The following XKR7 variants were observed in gnomAD, a reference collection of about 807,000 sequenced individuals.
XKR7 encodes XK related 7.
A neutral mutation model predicts 42.2 loss-of-function variants in XKR7; 11 were observed. The ratio of observed to expected loss-of-function variants is 0.26; its 90% confidence interval spans 0.16 to 0.43. The LOEUF is 0.43. XKR7 is among the 20% of genes least tolerant of loss of function. The pLI is 1.00. For missense variants in XKR7, 710 were observed against 802.2 expected (o/e 0.89, Z 1.39); for synonymous variants, 346 against 366.4 (o/e 0.94, Z 0.64).
intron 1 of XKR7, among the ~76,000 whole-genome samples, chr20:31,977,402 G>A (rs901242483): frequency 6.6e-6 from 1 of 152,150 alleles, no homozygotes; most frequent in Non-Finnish European, 1.5e-5. Context: ...GGGCACCAGC[G>A]CAGATCAAGG....
Position 31,997,111 on chromosome 20 carries a change from C to A in XKR7, c.1394C>A (p.Pro465His), listed in dbSNP as rs756288401. 4.2e-5 allele frequency: 68 copies of A among 1,613,148 alleles called. No homozygotes were observed. The highest frequency in any genetic ancestry group is 5.8e-5 in the Non-Finnish European group (68 of 1,180,018). The change falls in exon 3 of 3, where the codon CCC becomes CAC. Residue 465 changes from proline (P) to histidine (H), a missense_variant. Physicochemically the swap from Pro to His is moderately conservative, Grantham distance 77. This residue lies in a region of XKR7 where 708 missense variants were observed against 786.2 expected (regional missense o/e 0.90). Transcript: ENST00000562532. ...FRKASEPCGP[P>H]ADAITSPPRS... ...AAGGCCTCAGAGCCCTGTGGCCCAC[C>A]CGCTGACGCCATCACGAGTCCCCCC...
At chr20:31,984,743 G>A (rs1023066222) in intron 1 of XKR7, among the ~76,000 whole-genome samples, 14 of 152,180 alleles carry the variant, frequency 9.2e-5, no homozygotes, top group African/African-American at 3.4e-4. Context: ...CAGCCGTACT[G>A]CACACCTTCC....
chr20:31,991,945 C>T (rs1162239819), intron 1 of XKR7, among the ~76,000 whole-genome samples: 1 of 152,002 alleles, frequency 6.6e-6, no homozygotes, highest in Admixed American at 6.6e-5. Flanking sequence ...TGGAGAAACC[C>T]CGTCTCTACT....
At position 31,968,259 on chromosome 20, in the gene XKR7, C is replaced by T. The variant is rs1253002991; in HGVS notation, c.84C>T (p.Gly28=). The change falls in exon 1 of 3, where the codon GGC becomes GGT. Residue 28 remains glycine (G), a synonymous_variant. Coordinates refer to ENST00000562532, the MANE Select transcript of XKR7 (RefSeq NM_001011718.2). The surrounding 1 kb of genome is among the most constrained non-coding windows in gnomAD (Gnocchi z 4.5). ...CCGGTGGAGCCCGGGGCAGTGCCGGCGGGCGCGGGGAGGCGGCGGCGGCGG... is the reference window on the plus strand; with the variant it reads ...CCGGTGGAGCCCGGGGCAGTGCCGGTGGGCGCGGGGAGGCGGCGGCGGCGG... ...GAAGGARGSA[G]GRGEAAAAAG... is the part of the protein sequence containing the mutation. 4.4e-6 allele frequency: 5 copies of T among 1,135,008 alleles called. No individual in the cohort carries two copies. Among genetic ancestry groups the T allele is most frequent in the Non-Finnish European group, 5.4e-6 (5 of 926,950 alleles). 70.3% of individuals were successfully genotyped at this position (1,135,008 alleles called of 1,614,324 possible).
rs542949575 is a variant in XKR7, at chr20:31,995,402, G to T, written c.787+132G>T. 7 of 1,438,900 alleles carry T rather than the reference G, an allele frequency of 4.9e-6. No homozygotes were observed. The highest frequency in any genetic ancestry group is 6.4e-6 in the Non-Finnish European group (7 of 1,085,722). 89.1% of individuals were successfully genotyped at this position (1,438,900 alleles called of 1,614,324 possible). A position where few individuals can be genotyped will look rare whatever the true frequency, so the allele number is the denominator to read the frequency against. ...GGCTCACTCAGTCAGGGTTTAGGGA[G>T]GCCTGCCCCTTCTACCCTCACCACC... On this transcript the variant is annotated intron_variant, in intron 2 of 2. Transcript: ENST00000562532. This position sits in a 1 kb window ranked among gnomAD's most constrained non-coding sequence, Gnocchi z 4.1.
At chr20:31,984,130 G>A (rs1213998341) in intron 1 of XKR7, among the ~76,000 whole-genome samples, 6 of 151,616 alleles carry the variant, frequency 4.0e-5, no homozygotes, top group Admixed American at 2.0e-4. Flanking sequence ...GCGTGGTGGC[G>A]CACACCCGTA....
intron 1 of XKR7, among the ~76,000 whole-genome samples, chr20:31,992,885 G>A (rs151180122): frequency 2.0e-5 from 3 of 152,254 alleles, no homozygotes; most frequent in Non-Finnish European, 2.9e-5. Flanking sequence ...ATACTCATTT[G>A]AGGAAATTTG....
chr20:31,989,107 G>A (rs1011173765), intron 1 of XKR7, among the ~76,000 whole-genome samples: 2 of 152,190 alleles, frequency 1.3e-5, no homozygotes, highest in African/African-American at 4.8e-5. Context: ...AAATAAGACA[G>A]GGGGTGTGGT....
At position 31,996,855 on chromosome 20, in the gene XKR7, A is replaced by AGCCGCC; in HGVS notation, c.1144_1149dup (p.Arg382_Arg383dup). On this transcript the variant is annotated inframe_insertion, in exon 3 of 3. Transcript: ENST00000562532. ...CTGGTTCAACGTCAAGGAGGGCCGC[A>AGCCGCC]GCCGCCGCCGCATGACCCTCTACCA... is the stretch of plus-strand genomic sequence containing the variant. 1 of 1,613,778 alleles carries AGCCGCC rather than the reference A, an allele frequency of 6.2e-7. No individual in the cohort carries two copies. The highest frequency in any genetic ancestry group is 8.5e-7 in the Non-Finnish European group (1 of 1,180,006).
At chr20:31,984,690 G>T (rs1210563114) in intron 1 of XKR7, among the ~76,000 whole-genome samples, 1 of 152,206 alleles carries the variant, frequency 6.6e-6, no homozygotes, top group Non-Finnish European at 1.5e-5. Flanking sequence ...TGAAACCTGA[G>T]GTCCATTGTG....
At chr20:31,990,288 C>T (rs1232029067) in intron 1 of XKR7, among the ~76,000 whole-genome samples, 1 of 152,058 alleles carries the variant, frequency 6.6e-6, no homozygotes, top group African/African-American at 2.4e-5. Context: ...ACCTCGGCCT[C>T]CCAAAGTGTT....
At chr20:31,976,987 T>C (rs1257687530) in intron 1 of XKR7, among the ~76,000 whole-genome samples, 3 of 152,236 alleles carry the variant, frequency 2.0e-5, no homozygotes, top group Non-Finnish European at 4.4e-5. Context: ...TATGGTGGGT[T>C]CTTGCAACAT....
chr20:31,984,457 C>A (rs943039105), intron 1 of XKR7, among the ~76,000 whole-genome samples: 57 of 152,138 alleles, frequency 3.7e-4, no homozygotes, highest in Non-Finnish European at 1.2e-4. Flanking sequence ...CAGGACATAG[C>A]TGTGGAACAT....
intron 1 of XKR7, among the ~76,000 whole-genome samples, chr20:31,994,669 G>T (rs2064582988): frequency 6.6e-6 from 1 of 152,166 alleles, no homozygotes; most frequent in Non-Finnish European, 1.5e-5. Flanking sequence ...TCGCACCACT[G>T]CACTCCAGCC....
Position 31,995,314 on chromosome 20 carries a change from G to C in XKR7, c.787+44G>C. The C allele has an allele frequency of 6.5e-7, 1 of 1,531,264 alleles. No homozygotes were observed. Among genetic ancestry groups the C allele is most frequent in the South Asian group, 1.2e-5 (1 of 83,590 alleles). The allele number at this position is 1,531,264 out of a possible 1,614,324, so 94.9% of individuals were successfully genotyped here. A position where few individuals can be genotyped will look rare whatever the true frequency, so the allele number is the denominator to read the frequency against. On this transcript the variant is annotated intron_variant, in intron 2 of 2. Transcript: ENST00000562532. This position sits in a 1 kb window ranked among gnomAD's most constrained non-coding sequence, Gnocchi z 4.1. The stretch of plus-strand genomic sequence containing the variant: ...CCTCTGCGCCTGGGACCACCCCACC[G>C]GGCCTTTCTCCCTGCTTCAGGCTCC...
intron 1 of XKR7, among the ~76,000 whole-genome samples, chr20:31,989,725 C>T (rs2064560747): frequency 6.6e-6 from 1 of 152,154 alleles, no homozygotes; most frequent in African/African-American, 2.4e-5. Context: ...GTGATCTTCC[C>T]ACCTCAGCCT....
At chr20:31,985,387 A>G (rs1242197356) in intron 1 of XKR7, among the ~76,000 whole-genome samples, 1 of 152,080 alleles carries the variant, frequency 6.6e-6, no homozygotes, top group Non-Finnish European at 1.5e-5. Context: ...CAGATGGAGG[A>G]GCTGAGGATG....
chr20:31,976,143 G>A (rs1337847072), intron 1 of XKR7, among the ~76,000 whole-genome samples: 1 of 152,222 alleles, frequency 6.6e-6, no homozygotes, highest in East Asian at 1.9e-4. Flanking sequence ...GTGGTGCTCA[G>A]TTAGTGTTTG....
In XKR7 at chr20:31,971,901, C is replaced by T. The variant is rs1038893960; in HGVS notation, c.584+3142C>T. On this transcript the variant is annotated intron_variant, in intron 1 of 2. Transcript: ENST00000562532. Reference sequence around the variant, plus strand: ...TCCAGCTGATCATGCCATGAGAAATCGTGGACCCAGTCTTGATTTCTCAAG... The same window carrying T: ...TCCAGCTGATCATGCCATGAGAAATTGTGGACCCAGTCTTGATTTCTCAAG... Among the ~76,000 whole-genome samples the T allele has an allele frequency of 1.1e-4, 16 of 152,074 alleles. 1 individual carries two copies. Among genetic ancestry groups the T allele is most frequent in the East Asian group, 9.6e-4 (5 of 5,194 alleles).
Sources: allele counts gnomAD v4.1 joint callset (sites outside exome capture counted in the v4.1 genomes callset), GRCh38; gene constraint gnomAD v4.1.1; regional missense constraint gnomAD v4.1.1; non-coding constraint Gnocchi (gnomAD v3.1); transcripts MANE v1.5; gene names NCBI Gene and HGNC (gene_info 2026-07-23, HGNC 2026-07-21).